The following FSTL5 variants were observed in gnomAD, a reference collection of about 807,000 sequenced individuals.
FSTL5 encodes follistatin-related protein 5.
FSTL5 carries 62 observed loss-of-function variants against 89.1 expected under a neutral mutation model. That is an observed-to-expected ratio of 0.70 (90% confidence interval 0.57 to 0.86). The LOEUF (loss-of-function observed/expected upper bound fraction) is 0.86, where lower values mean the gene tolerates loss of function less well. FSTL5 is among the 40% of genes least tolerant of loss of function. FSTL5 has a pLI of 0.00. For synonymous variants in FSTL5, 383 were observed against 346.2 expected, an observed-to-expected ratio of 1.11 and a Z score of -1.18; for missense variants, 1,057 against 1,001.6, an observed-to-expected ratio of 1.06 and a Z score of -0.75.
intron 6 of FSTL5, among the ~76,000 whole-genome samples, chr4:161,719,889 C>T (rs75409979): frequency 0.052 from 7,892 of 152,094 alleles, 309 homozygotes; most frequent in Non-Finnish European, 0.073. Flanking sequence ...TTACACGATA[C>T]ACAAAAATCA....
intron 7 of FSTL5, among the ~76,000 whole-genome samples, chr4:161,643,151 T>C (rs1052475015): frequency 3.3e-5 from 5 of 152,202 alleles, no homozygotes; most frequent in Non-Finnish European, 7.4e-5. Flanking sequence ...ATGTTTTAAA[T>C]ATAGATGTAC....
intron 2 of FSTL5, among the ~76,000 whole-genome samples, chr4:162,045,938 AAG>A: frequency 6.7e-6 from 1 of 150,234 alleles, no homozygotes; most frequent in Admixed American, 6.7e-5. Flanking sequence ...CGAGTTTTTT[AAG>A]AGGATAATGA....
intron 3 of FSTL5, among the ~76,000 whole-genome samples, chr4:161,980,117 G>A (rs1440656293): frequency 1.9e-4 from 26 of 139,452 alleles, no homozygotes; most frequent in African/African-American, 6.8e-4. Context: ...AGGAAGGAGA[G>A]AAAAGGAAAA....
intron 4 of FSTL5, among the ~76,000 whole-genome samples, chr4:161,905,819 T>G (rs1272927897): frequency 6.6e-6 from 1 of 152,162 alleles, no homozygotes; most frequent in Non-Finnish European, 1.5e-5. Context: ...TGGAAGCTTC[T>G]CTGGGCCCCA....
chr4:162,042,820 A>C (rs1738018243), intron 2 of FSTL5, among the ~76,000 whole-genome samples: 1 of 151,806 alleles, frequency 6.6e-6, no homozygotes, highest in Admixed American at 6.6e-5. Flanking sequence ...ACTGGAAATC[A>C]TCATTCTCAG....
intron 4 of FSTL5, among the ~76,000 whole-genome samples, chr4:161,852,000 C>T (rs751210312): frequency 1.1e-4 from 16 of 151,758 alleles, no homozygotes; most frequent in Admixed American, 6.6e-4. Context: ...AGTTTGGTTG[C>T]TTTTGTAAGT....
At chr4:161,617,317 T>TA (rs1734909844) in intron 7 of FSTL5, among the ~76,000 whole-genome samples, 1 of 151,894 alleles carries the variant, frequency 6.6e-6, no homozygotes, top group Non-Finnish European at 1.5e-5. Flanking sequence ...CAAATAGAAA[T>TA]TATGCCACAA....
intron 4 of FSTL5, among the ~76,000 whole-genome samples, chr4:161,876,286 T>C (rs1007334770): frequency 3.9e-5 from 6 of 152,316 alleles, no homozygotes; most frequent in Admixed American, 1.3e-4. Context: ...GCATACATCA[T>C]TCAAATGAAT....
At chr4:161,607,640 G>C (rs1734500579) in intron 7 of FSTL5, among the ~76,000 whole-genome samples, 1 of 152,128 alleles carries the variant, frequency 6.6e-6, no homozygotes, top group Non-Finnish European at 1.5e-5. Flanking sequence ...TATGGGAATG[G>C]ATAATTTTCT....
rs199833703 is a variant in FSTL5, at chr4:161,751,588, AAC to A, written c.727+7821_727+7822del. On this transcript the variant is annotated intron_variant, in intron 6 of 15. Coordinates refer to ENST00000306100, the MANE Select transcript of FSTL5 (RefSeq NM_020116.5). ...GTAAGAGTTTGAGACCAGGCTGGGCAACATAGCAAAGTCCCATCTCTACTAAA... is the reference window on the plus strand; with the variant it reads ...GTAAGAGTTTGAGACCAGGCTGGGCAATAGCAAAGTCCCATCTCTACTAAA... 4.9e-3 allele frequency among the ~76,000 whole-genome samples: 747 copies of A among 152,240 alleles called. 5 individuals carry two copies. The highest frequency in any genetic ancestry group is 0.017 in the African/African-American group (712 of 41,550).
intron 3 of FSTL5, among the ~76,000 whole-genome samples, chr4:161,967,452 A>T (rs549075436): frequency 5.3e-5 from 8 of 152,108 alleles, no homozygotes; most frequent in East Asian, 3.9e-4. Flanking sequence ...GATGAAAATT[A>T]AAAAATAATA....
chr4:162,099,519 C>G (rs773757480), intron 2 of FSTL5, among the ~76,000 whole-genome samples: 21 of 152,022 alleles, frequency 1.4e-4, no homozygotes, highest in Non-Finnish European at 2.9e-4. Context: ...ATGGTAATGA[C>G]CTTTTTAATA....
chr4:161,628,881 G>A (rs1735402432), intron 7 of FSTL5, among the ~76,000 whole-genome samples: 1 of 152,198 alleles, frequency 6.6e-6, no homozygotes, highest in East Asian at 1.9e-4. Flanking sequence ...AATAATAAAG[G>A]TCTGTATATT....
chr4:161,674,876 G>T (rs1737248038), intron 6 of FSTL5, among the ~76,000 whole-genome samples: 1 of 152,094 alleles, frequency 6.6e-6, no homozygotes, highest in African/African-American at 2.4e-5. Context: ...GAACTCTCCT[G>T]GGCTTTCCTG....
chr4:161,535,007 C>A (rs528160130), intron 10 of FSTL5, among the ~76,000 whole-genome samples: 4 of 152,228 alleles, frequency 2.6e-5, no homozygotes, highest in South Asian at 2.1e-4. Context: ...CTTGCGATAA[C>A]TGGCTAGCCA....
At chr4:161,686,628 C>T (rs2126714947) in intron 6 of FSTL5, among the ~76,000 whole-genome samples, 1 of 151,498 alleles carries the variant, frequency 6.6e-6, no homozygotes, top group African/African-American at 2.4e-5. Flanking sequence ...CCAAAGTGGA[C>T]ATATATTTGT....
chr4:161,442,378 A>G (rs1405586924), intron 15 of FSTL5, among the ~76,000 whole-genome samples: 2 of 152,112 alleles, frequency 1.3e-5, no homozygotes, highest in Non-Finnish European at 2.9e-5. Context: ...AGACACTGAA[A>G]AAACTTCTAA....
intron 4 of FSTL5, among the ~76,000 whole-genome samples, chr4:161,837,477 G>A (rs1175793393): frequency 3.3e-5 from 5 of 152,064 alleles, no homozygotes; most frequent in Non-Finnish European, 5.9e-5. Context: ...AGGGGAAAGT[G>A]TCTCAGTGAA....
intron 1 of FSTL5, among the ~76,000 whole-genome samples, chr4:162,146,137 A>C (rs141424135): frequency 3.1e-4 from 47 of 152,266 alleles, no homozygotes; most frequent in Middle Eastern, 3.4e-3. Context: ...TGGAACCTAA[A>C]GCTTAACCAA....
Sources: allele counts gnomAD v4.1 joint callset (sites outside exome capture counted in the v4.1 genomes callset), GRCh38; gene constraint gnomAD v4.1.1; transcripts MANE v1.5; gene names NCBI Gene and HGNC (gene_info 2026-07-23, HGNC 2026-07-21).